The following CNTN3 variants were observed in gnomAD, a reference collection of about 807,000 sequenced individuals.
CNTN3 encodes the protein contactin-3.
In CNTN3, 60 loss-of-function variants were observed where a neutral mutation model predicts 119.1. The observed-to-expected ratio is 0.50, with a 90% CI of 0.41 to 0.62. The LOEUF (loss-of-function observed/expected upper bound fraction) is 0.62. CNTN3 is among the 20% of genes least tolerant of loss of function. The pLI, the probability that CNTN3 is intolerant of heterozygous loss-of-function variation, is 0.00. For synonymous variants in CNTN3, 450 were observed against 438.7 expected (o/e 1.03, Z -0.32); for missense variants, 1,101 against 1,242.4 (o/e 0.89, Z 1.71).
At chr3:74,312,289 TA>T (rs200360493) in intron 13 of CNTN3, among the ~76,000 whole-genome samples, 6 of 150,446 alleles carry the variant, frequency 4.0e-5, no homozygotes, top group South Asian at 2.1e-4. Context: ...ATGTCTCTAC[TA>T]AAAAAAATAC....
intron 1 of CNTN3, among the ~76,000 whole-genome samples, chr3:74,612,051 T>G (rs942222214): frequency 6.6e-6 from 1 of 152,226 alleles, no homozygotes; most frequent in Non-Finnish European, 1.5e-5. Context: ...ATCTGACAGT[T>G]TGGAAGCAGC....
At chr3:74,406,218 A>C (rs139051484) in intron 5 of CNTN3, among the ~76,000 whole-genome samples, 2,230 of 152,262 alleles carry the variant, frequency 0.015, 52 homozygotes, top group African/African-American at 0.05. Flanking sequence ...TTAAAAGATA[A>C]GCAATGATCA....
intron 4 of CNTN3, among the ~76,000 whole-genome samples, chr3:74,446,058 G>C (rs1176167808): frequency 1.3e-5 from 2 of 152,170 alleles, no homozygotes; most frequent in Non-Finnish European, 2.9e-5. Context: ...AAGCTCAGCT[G>C]CCTGACTTTT....
intron 1 of CNTN3, among the ~76,000 whole-genome samples, chr3:74,571,654 C>A (rs951782057): frequency 3.9e-5 from 6 of 152,066 alleles, no homozygotes; most frequent in African/African-American, 1.4e-4. Flanking sequence ...AAAACTACTA[C>A]AACAGGAAAC....
chr3:74,535,631 G>C (rs935389264), intron 1 of CNTN3, among the ~76,000 whole-genome samples: 2 of 152,086 alleles, frequency 1.3e-5, no homozygotes, highest in South Asian at 2.1e-4. Flanking sequence ...CTGTCAATGC[G>C]ATACAATGCG....
intron 4 of CNTN3, among the ~76,000 whole-genome samples, chr3:74,427,732 T>C (rs1430218767): frequency 6.6e-6 from 1 of 152,074 alleles, no homozygotes; most frequent in Non-Finnish European, 1.5e-5. Flanking sequence ...AATTTCTACA[T>C]ACTAATAATA....
At chr3:74,271,953 C>T (rs570355039) in intron 20 of CNTN3, among the ~76,000 whole-genome samples, 30 of 152,260 alleles carry the variant, frequency 2.0e-4, no homozygotes, top group South Asian at 8.3e-4. Context: ...CAACCTAGAA[C>T]GCCAGGGAAG....
intron 1 of CNTN3, among the ~76,000 whole-genome samples, chr3:74,524,910 A>G (rs1038025476): frequency 6.6e-6 from 1 of 151,836 alleles, no homozygotes; most frequent in African/African-American, 2.4e-5. Flanking sequence ...CGGGTTGCAC[A>G]AACAGAAAGA....
At chr3:74,505,444 A>C (rs1703238661) in intron 2 of CNTN3, among the ~76,000 whole-genome samples, 1 of 47,998 alleles carries the variant, frequency 2.1e-5, no homozygotes, top group Non-Finnish European at 4.4e-5. Flanking sequence ...GGAGAACACT[A>C]TACGTGTGTG....
chr3:74,484,846 A>C (rs1008517837), intron 4 of CNTN3, among the ~76,000 whole-genome samples: 1 of 152,146 alleles, frequency 6.6e-6, no homozygotes, highest in Non-Finnish European at 1.5e-5. Context: ...TATCAACCAA[A>C]TGATGTCCTC....
At chr3:74,543,685 T>C (rs899103684) in intron 1 of CNTN3, among the ~76,000 whole-genome samples, 1 of 152,088 alleles carries the variant, frequency 6.6e-6, no homozygotes, top group African/African-American at 2.4e-5. Context: ...CCTAAAAAAA[T>C]ACTCTAAGGG....
chr3:74,524,631 AGG>A (rs1703589739), intron 1 of CNTN3, among the ~76,000 whole-genome samples: 1 of 151,818 alleles, frequency 6.6e-6, no homozygotes, highest in Non-Finnish European at 1.5e-5. Context: ...GGTGGCAGAT[AGG>A]CTTGTGAGTA....
At chr3:74,283,669 T>C (rs1702057830) in intron 20 of CNTN3, among the ~76,000 whole-genome samples, 2 of 152,256 alleles carry the variant, frequency 1.3e-5, no homozygotes, top group South Asian at 4.1e-4. Flanking sequence ...GACAAATTTG[T>C]TTGCATATAT....
At chr3:74,571,419 C>A (rs1340287021) in intron 1 of CNTN3, among the ~76,000 whole-genome samples, 1 of 152,096 alleles carries the variant, frequency 6.6e-6, no homozygotes, top group South Asian at 2.1e-4. Flanking sequence ...ATTAGCTTAG[C>A]GGTACAGACC....
rs1704557521 is a variant in CNTN3 at position 74,584,158 on chromosome 3, T to C, written c.-81+30233A>G. Reference sequence around the variant, plus strand: ...TATATCTCTGGGCTAGACAATTACATGTGATTTTTTTATTTGTATTTTCTA... The same window carrying C: ...TATATCTCTGGGCTAGACAATTACACGTGATTTTTTTATTTGTATTTTCTA... On this transcript the variant is annotated intron_variant, in intron 1 of 22. Transcript: ENST00000263665. Among the ~76,000 whole-genome samples the C allele has an allele frequency of 2.6e-5, 4 of 152,208 alleles. No homozygotes were observed. The South Asian group carries it at 8.3e-4, about 31-fold the overall frequency.
chr3:74,266,479 A>G lies in CNTN3; in HGVS notation c.2986+2T>C. 1 of 1,612,430 alleles carries G rather than the reference A, an allele frequency of 6.2e-7. No homozygotes were observed. Among genetic ancestry groups the G allele is most frequent in the Non-Finnish European group, 8.5e-7 (1 of 1,178,856 alleles). On this transcript the variant is annotated splice_donor_variant, in intron 22 of 22. Coordinates refer to ENST00000263665, the MANE Select transcript of CNTN3 (RefSeq NM_020872.3). LOFTEE classifies it high-confidence loss of function. ...AGTAAATAATGGCTTCAACCAACTT[A>G]CTGGTTATTCGTGGAATCCTGATCT...
chr3:74,290,456 A>G (rs886087838), intron 19 of CNTN3, among the ~76,000 whole-genome samples: 1 of 152,236 alleles, frequency 6.6e-6, no homozygotes, highest in African/African-American at 2.4e-5. Flanking sequence ...TAAAAAATCA[A>G]CATCTACCTG....
At chr3:74,387,479 G>C (rs983697668) in intron 5 of CNTN3, among the ~76,000 whole-genome samples, 2 of 152,198 alleles carry the variant, frequency 1.3e-5, no homozygotes, top group African/African-American at 4.8e-5. Flanking sequence ...ATGCAGAAAT[G>C]CCAAAACACA....
At position 74,553,786 on chromosome 3, in the gene CNTN3, T is replaced by G. The variant is rs920252784; in HGVS notation, c.-80-32594A>C. 2.0e-5 allele frequency among the ~76,000 whole-genome samples: 3 copies of G among 152,360 alleles called. No homozygotes were observed. The South Asian group carries it at 6.2e-4, about 32-fold the overall frequency. On this transcript the variant is annotated intron_variant, in intron 1 of 22. Transcript: ENST00000263665. Reference sequence around the variant, plus strand: ...TTGTTTGGTTTTTTTCTTGTAAATTTTTTTAAGTTCTTCGTAGATTACGGA... The same window carrying G: ...TTGTTTGGTTTTTTTCTTGTAAATTGTTTTAAGTTCTTCGTAGATTACGGA...
Sources: gnomAD v4.1 joint callset for allele counts (sites outside exome capture counted in the v4.1 genomes callset) on GRCh38, gnomAD v4.1.1 for gene constraint, MANE v1.5 for transcripts, NCBI Gene and HGNC (gene_info 2026-07-23, HGNC 2026-07-21) for gene names.